CDHR1: variants seen among roughly 807,000 people sequenced by gnomAD.
CDHR1 encodes cadherin related family member 1.
A neutral mutation model predicts 72.1 loss-of-function variants in CDHR1; 61 were observed. The observed-to-expected ratio is 0.85, with a 90% CI of 0.69 to 1.05. CDHR1 has a LOEUF of 1.05. Ranked by LOEUF, CDHR1 falls within the 50% of genes least tolerant of loss-of-function variation. The pLI, the probability that CDHR1 is intolerant of heterozygous loss-of-function variation, is 0.00. For synonymous variants in CDHR1, 470 were observed against 448.1 expected (o/e 1.05, Z -0.62); for missense variants, 1,186 against 1,115.7 (o/e 1.06, Z -0.90).
Position 84,194,582 on chromosome 10 carries a change from T to G in CDHR1, c.-179T>G. ...GGCCGGCAGGAGCAGATCCGAGCCG[T>G]GTCATCCTCTTAGCGCCCTCACGCC... On this transcript the variant is annotated 5_prime_UTR_variant, in exon 1 of 17. Coordinates refer to ENST00000623527, the MANE Select transcript of CDHR1 (RefSeq NM_033100.4). 2 of 481,882 alleles carry G rather than the reference T, an allele frequency of 4.2e-6. No homozygotes were observed. Among genetic ancestry groups the G allele is most frequent in the South Asian group, 7.1e-5 (2 of 28,318 alleles). 29.9% of individuals were successfully genotyped at this position (481,882 alleles called of 1,614,324 possible). A position where few individuals can be genotyped will look rare whatever the true frequency, so the allele number is the denominator to read the frequency against.
chr10:84,213,353 G>T lies in CDHR1; in HGVS notation c.2040+5G>T, dbSNP rs1446751435. The T allele has an allele frequency of 6.2e-7, 1 of 1,614,150 alleles. No homozygotes were observed. The highest frequency in any genetic ancestry group is 8.5e-7 in the Non-Finnish European group (1 of 1,180,040). ...ATTGACATCACAGATGCTGAGGTGA[G>T]TACAAAGCCATGGTCAGGAAAAAGG... On this transcript the variant is annotated splice_donor_5th_base_variant and intron_variant, in intron 16 of 16. Coordinates refer to ENST00000623527, the MANE Select transcript of CDHR1 (RefSeq NM_033100.4).
Position 84,205,882 on chromosome 10 carries a change from G to A in CDHR1, c.918G>A (p.Gln306=). 2 of 1,614,126 alleles carry A rather than the reference G, an allele frequency of 1.2e-6. No individual in the cohort carries two copies. The highest frequency in any genetic ancestry group is 1.3e-5 in the African/African-American group (1 of 75,038). Residue 306 remains glutamine, a synonymous_variant, in exon 10 of 17, where the codon CAG becomes CAA. Coordinates refer to ENST00000623527, the MANE Select transcript of CDHR1 (RefSeq NM_033100.4). ...NETSGAISIT[Q]SPAQLQREVY... ...CATCTGGAGCCATCTCCATCACTCA[G>A]AGCCCGGCCCAGCTCCAGAGAGAGG...
chr10:84,209,364 T>C (rs1168128403), intron 12 of CDHR1, among the ~76,000 whole-genome samples: 2 of 152,174 alleles, frequency 1.3e-5, no homozygotes, highest in African/African-American at 4.8e-5. Context: ...CTGACACTAT[T>C]AAAATTATCT....
rs1037918838 is a variant in CDHR1 at position 84,210,992 on chromosome 10, C to G, written c.1321-9C>G. 2.3e-5 allele frequency: 37 copies of G among 1,614,086 alleles called. No individual in the cohort carries two copies. The highest frequency in any genetic ancestry group is 2.7e-5 in the Non-Finnish European group (32 of 1,180,034). ...ACCCAGACAAGTCCCCATTTTCCCCCCTTCCCAGCTCCTGGCTGTTGAAGT... is the reference window on the plus strand; with the variant it reads ...ACCCAGACAAGTCCCCATTTTCCCCGCTTCCCAGCTCCTGGCTGTTGAAGT... On this transcript the variant is annotated splice_polypyrimidine_tract_variant and intron_variant, in intron 12 of 16. Coordinates refer to ENST00000623527, the MANE Select transcript of CDHR1 (RefSeq NM_033100.4).
chr10:84,203,118 C>T lies in CDHR1; in HGVS notation c.778C>T (p.Leu260Phe). 6.2e-7 allele frequency: 1 copy of T among 1,614,212 alleles called. No individual in the cohort carries two copies. The highest frequency in any genetic ancestry group is 8.5e-7 in the Non-Finnish European group (1 of 1,180,034). Residue 260 changes from leucine (L) to phenylalanine (F), a missense_variant, in exon 8 of 17, where the codon CTT becomes TTT. Leu to Phe is a conservative substitution (Grantham distance 22, BLOSUM62 0). Coordinates refer to ENST00000623527, the MANE Select transcript of CDHR1 (RefSeq NM_033100.4). ...CTATGGCTATGTGTACGAGGACACCCTTCCGGTGGGTGGCTGTCCCCCTCA... is the reference window on the plus strand; with the variant it reads ...CTATGGCTATGTGTACGAGGACACCTTTCCGGTGGGTGGCTGTCCCCCTCA... ...PYYGYVYEDT[L>F]PGSEVLKVVA...
rs750609367 is a variant in CDHR1, at chr10:84,214,285, C to G, written c.2244C>G (p.Pro748=). The change falls in exon 17 of 17, where the codon CCC becomes CCG. Residue 748 remains proline (P), a synonymous_variant. Coordinates refer to ENST00000623527, the MANE Select transcript of CDHR1 (RefSeq NM_033100.4). ...RVLRKRPSPA[P]RTIRIEWLKS... ...TCCGCAAGCGGCCCAGCCCTGCGCC[C>G]CGCACCATCCGCATTGAGTGGCTCA... The G allele has an allele frequency of 1.2e-6, 2 of 1,613,904 alleles. No individual in the cohort carries two copies. The highest frequency in any genetic ancestry group is 1.7e-5 in the Admixed American group (1 of 60,032).
Position 84,208,749 on chromosome 10 carries a change from C to G in CDHR1, c.1188C>G (p.Asn396Lys). 6.2e-7 allele frequency: 1 copy of G among 1,614,208 alleles called. No homozygotes were observed. The highest frequency in any genetic ancestry group is 1.1e-5 in the South Asian group (1 of 91,082). ...TCTAGGGAGCCAATGCCAAATTCAA[C>G]TTGCAGCTGGTGGGACCCAGGGGCA... ...DSDQGANAKF[N>K]LQLVGPRGIF... Residue 396 changes from asparagine (N) to lysine (K), a missense_variant, in exon 12 of 17, where the codon AAC (asparagine) becomes AAG (lysine). Coordinates refer to ENST00000623527, the MANE Select transcript of CDHR1 (RefSeq NM_033100.4).
intron 15 of CDHR1, 141 bp downstream of exon 15, chr10:84,212,548 C>T: frequency 1.4e-6 from 1 of 696,020 alleles, no homozygotes; most frequent in Non-Finnish European, 2.6e-6. Context: ...TTTTGTATAT[C>T]CCCATCCCCA....
At chr10:84,211,587 G>A (rs1204498811) in intron 13 of CDHR1, 61 bp from the exon 14 acceptor site, 1 of 1,458,018 alleles carries the variant, frequency 6.9e-7, no homozygotes, top group Admixed American at 1.7e-5. Flanking sequence ...CTCAGGGCAT[G>A]GGAGCTGCCA....
At chr10:84,211,802 G>C in intron 14 of CDHR1, 87 bp downstream of exon 14, 1 of 1,117,390 alleles carries the variant, frequency 8.9e-7, no homozygotes, top group Non-Finnish European at 1.4e-6. Context: ...GAGGCAGGAG[G>C]GGCCTGGGAG....
At chr10:84,208,669 T>G (rs1364732812) in intron 11 of CDHR1, 60 bp from the exon 12 acceptor site, 21 of 1,523,410 alleles carry the variant, frequency 1.4e-5, no homozygotes, top group African/African-American at 2.7e-5. Flanking sequence ...TTCTATATAG[T>G]ATGATTATGA....
chr10:84,197,751 C>A, intron 3 of CDHR1, 35 bp from the exon 4 acceptor site: 1 of 1,604,624 alleles, frequency 6.2e-7, no homozygotes, highest in Non-Finnish European at 8.5e-7. Flanking sequence ...GCGTGTCAGA[C>A]TCCTGGACAC....
chr10:84,197,742 C>A (rs770271238), intron 3 of CDHR1, 44 bp from the exon 4 acceptor site: 30 of 1,573,494 alleles, frequency 1.9e-5, no homozygotes, highest in Middle Eastern at 3.3e-4. Flanking sequence ...GGTCCTATGG[C>A]GTGTCAGACT....
intron 10 of CDHR1, among the ~76,000 whole-genome samples, chr10:84,207,583 C>A (rs1476207540): frequency 6.6e-6 from 1 of 152,148 alleles, no homozygotes; most frequent in Non-Finnish European, 1.5e-5. Context: ...TCACAAGGTA[C>A]CTATGGGATC....
intron 15 of CDHR1, chr10:84,212,774 T>C (rs980412918): frequency 7.5e-6 from 4 of 529,824 alleles, no homozygotes; most frequent in African/African-American, 1.9e-5. Context: ...CCTGACTCCC[T>C]TTCTTATACC....
At chr10:84,200,809 A>AG (rs747653554) in intron 6 of CDHR1, 122 bp downstream of exon 6, 75 of 728,764 alleles carry the variant, frequency 1.0e-4, no homozygotes, top group Admixed American at 1.8e-4. Context: ...AAGTACATGA[A>AG]GGGTTGGGAT....
chr10:84,204,255 G>T (rs971970964), intron 8 of CDHR1, among the ~76,000 whole-genome samples: 1 of 152,150 alleles, frequency 6.6e-6, no homozygotes, highest in Admixed American at 6.5e-5. Flanking sequence ...CCAGGAGTTG[G>T]TGCAAGAGGC....
Position 84,196,630 on chromosome 10 carries a change from G to A in CDHR1, c.277G>A (p.Val93Ile), listed in dbSNP as rs1232672493. The A allele has an allele frequency of 1.2e-6, 2 of 1,614,192 alleles. No homozygotes were observed. The highest frequency in any genetic ancestry group is 1.7e-6 in the Non-Finnish European group (2 of 1,180,034). ...VDPTFGNITL[V>I]EELDREREDE... ...CCCCACTTTTGGAAACATCACCCTGGTTGAAGAGCTGGACAGAGAGGTATG... is the reference window on the plus strand; with the variant it reads ...CCCCACTTTTGGAAACATCACCCTGATTGAAGAGCTGGACAGAGAGGTATG... The change falls in exon 3 of 17, where the codon GTT becomes ATT. Residue 93 changes from valine to isoleucine, a missense_variant. By Grantham distance (29) the Val-to-Ile change is conservative (BLOSUM62 3). Transcript: ENST00000623527.
chr10:84,205,724 C>T, intron 9 of CDHR1, 103 bp from the exon 10 acceptor site: 1 of 768,776 alleles, frequency 1.3e-6, no homozygotes, highest in Non-Finnish European at 2.3e-6. Flanking sequence ...GGATTCCATT[C>T]TATGAAGACT....
Sources: gnomAD v4.1 joint callset for allele counts (sites outside exome capture counted in the v4.1 genomes callset) on GRCh38, gnomAD v4.1.1 for gene constraint, MANE v1.5 for transcripts, NCBI Gene and HGNC (gene_info 2026-07-23, HGNC 2026-07-21) for gene names.